Variants in SUPT3H observed in about 807,000 individuals in gnomAD.
SUPT3H encodes transcription initiation protein SPT3 homolog.
Under a neutral mutation model 44.3 loss-of-function variants are expected in SUPT3H, and 44 were observed. That is an observed-to-expected ratio of 0.99 (90% CI 0.78 to 1.28). The LOEUF (loss-of-function observed/expected upper bound fraction) is 1.28. SUPT3H is among the 50% of genes most tolerant of loss of function. The pLI, the probability that SUPT3H is intolerant of heterozygous loss-of-function variation, is 0.00. For missense variants in SUPT3H, 380 were observed against 387.1 expected, an observed-to-expected ratio of 0.98 and a Z score of 0.15; for synonymous variants, 124 against 125.6, an observed-to-expected ratio of 0.99 and a Z score of 0.09.
chr6:45,350,664 T>A (rs2150185349), intron 2 of SUPT3H, among the ~76,000 whole-genome samples: 1 of 152,296 alleles, frequency 6.6e-6, no homozygotes, highest in Non-Finnish European at 1.5e-5. Flanking sequence ...GCTGCTAAGA[T>A]GTGGTCATAA....
chr6:45,062,703 C>T (rs1054328559), intron 3 of SUPT3H, among the ~76,000 whole-genome samples: 13 of 152,112 alleles, frequency 8.5e-5, no homozygotes, highest in Admixed American at 2.6e-4. Context: ...GGGTGACGGA[C>T]GCACCTGGAA....
At position 45,278,636 on chromosome 6, in the gene SUPT3H, A is replaced by T. The variant is rs557919962; in HGVS notation, c.101+86565T>A. On this transcript the variant is annotated intron_variant, in intron 2 of 10. Transcript: ENST00000371459. ...ACAAAGTCACAGCTGTTACTTTTTC[A>T]AACAACTAAATGTTGATTTCATTTT... Among the ~76,000 whole-genome samples, 19 of 152,334 alleles carry T rather than the reference A, an allele frequency of 1.2e-4. No individual in the cohort carries two copies. The South Asian group carries it at 3.7e-3, about 30-fold the overall frequency.
chr6:45,220,679 CA>C (rs1765885580), intron 2 of SUPT3H, among the ~76,000 whole-genome samples: 7 of 152,268 alleles, frequency 4.6e-5, no homozygotes, highest in Admixed American at 3.9e-4. Flanking sequence ...TAGAAAATCA[CA>C]AAGAATCTAC....
chr6:45,019,674 A>T (rs1338928031), intron 4 of SUPT3H, among the ~76,000 whole-genome samples: 1 of 151,970 alleles, frequency 6.6e-6, no homozygotes, highest in Non-Finnish European at 1.5e-5. Context: ...TATCTTCAAT[A>T]GTTTCTTTGC....
chr6:45,325,135 A>C (rs1786151990), intron 2 of SUPT3H, among the ~76,000 whole-genome samples: 1 of 151,950 alleles, frequency 6.6e-6, no homozygotes, highest in South Asian at 2.1e-4. Flanking sequence ...CCTCATAATC[A>C]GAACATTTTA....
intron 3 of SUPT3H, among the ~76,000 whole-genome samples, chr6:45,083,791 C>T (rs1796137430): frequency 6.6e-6 from 1 of 151,434 alleles, no homozygotes; most frequent in African/African-American, 2.4e-5. Context: ...AATAAAGCCA[C>T]ACATCTACAA....
intron 5 of SUPT3H, among the ~76,000 whole-genome samples, chr6:45,012,108 TC>T (rs1213038258): frequency 6.6e-6 from 1 of 151,592 alleles, no homozygotes; most frequent in Admixed American, 6.6e-5. Context: ...TTTTTTTTTT[TC>T]CCACATTTTT....
At chr6:44,944,762 CAAAAAAAA>C (rs57506313) in intron 9 of SUPT3H, among the ~76,000 whole-genome samples, 8 of 29,898 alleles carry the variant, frequency 2.7e-4, no homozygotes, top group Non-Finnish European at 6.9e-4. Context: ...ACCCTCTCTC[CAAAAAAAA>C]AAAAAAAAAA....
chr6:45,250,361 G>T (rs1259531508), intron 2 of SUPT3H, among the ~76,000 whole-genome samples: 1 of 140,126 alleles, frequency 7.1e-6, no homozygotes, highest in Non-Finnish European at 1.6e-5. Context: ...AAACATTAAG[G>T]CAATAAAAAA....
intron 10 of SUPT3H, among the ~76,000 whole-genome samples, chr6:44,846,914 G>T (rs952983924): frequency 1.3e-5 from 2 of 152,186 alleles, no homozygotes; most frequent in African/African-American, 4.8e-5. Context: ...ACAGGCGTGA[G>T]GCACTGTACC....
chr6:45,104,641 T>C (rs371647457), intron 3 of SUPT3H, among the ~76,000 whole-genome samples: 3 of 152,074 alleles, frequency 2.0e-5, no homozygotes, highest in African/African-American at 7.2e-5. Context: ...TTTTGAATGT[T>C]TTCAGCTGTT....
At chr6:45,303,769 C>T (rs1048909650) in intron 2 of SUPT3H, among the ~76,000 whole-genome samples, 6 of 150,936 alleles carry the variant, frequency 4.0e-5, no homozygotes, top group South Asian at 2.1e-4. Flanking sequence ...CCAAGGTGGG[C>T]GGATCACGAG....
intron 2 of SUPT3H, among the ~76,000 whole-genome samples, chr6:45,109,925 C>T (rs893988517): frequency 6.6e-6 from 1 of 152,134 alleles, no homozygotes; most frequent in Non-Finnish European, 1.5e-5. Flanking sequence ...GATTCTGATA[C>T]CCTATTCATT....
At chr6:44,964,871 T>C (rs1485815561) in intron 6 of SUPT3H, among the ~76,000 whole-genome samples, 1 of 152,210 alleles carries the variant, frequency 6.6e-6, no homozygotes, top group Non-Finnish European at 1.5e-5. Flanking sequence ...GTTTATCTTG[T>C]TCAAATCTCT....
intron 2 of SUPT3H, among the ~76,000 whole-genome samples, chr6:45,276,103 C>G (rs1776965841): frequency 6.6e-6 from 1 of 151,134 alleles, no homozygotes. Flanking sequence ...TTTATGCTAA[C>G]AACGCACTAA....
intron 2 of SUPT3H, among the ~76,000 whole-genome samples, chr6:45,142,464 C>T (rs746917269): frequency 5.3e-5 from 8 of 151,952 alleles, no homozygotes; most frequent in Non-Finnish European, 1.0e-4. Flanking sequence ...TTGCCAGGAG[C>T]GGTGGCTCAC....
At chr6:44,933,487 A>G (rs1254789902) in intron 9 of SUPT3H, among the ~76,000 whole-genome samples, 1 of 152,218 alleles carries the variant, frequency 6.6e-6, no homozygotes, top group Non-Finnish European at 1.5e-5. Flanking sequence ...GTTTAGCCCT[A>G]CAAGTTACCA....
At chr6:45,026,563 A>T (rs1786037476) in intron 3 of SUPT3H, among the ~76,000 whole-genome samples, 1 of 152,162 alleles carries the variant, frequency 6.6e-6, no homozygotes, top group Non-Finnish European at 1.5e-5. Flanking sequence ...AAAACATTAA[A>T]AGTCAAATAA....
chr6:45,230,424 C>G (rs1767743872), intron 2 of SUPT3H, among the ~76,000 whole-genome samples: 1 of 151,200 alleles, frequency 6.6e-6, no homozygotes, highest in Admixed American at 6.6e-5. Flanking sequence ...GTGGGGGGGG[C>G]TTATGTAACA....
Sources: gnomAD v4.1 joint callset for allele counts (sites outside exome capture counted in the v4.1 genomes callset) on GRCh38, gnomAD v4.1.1 for gene constraint, MANE v1.5 for transcripts, NCBI Gene and HGNC (gene_info 2026-07-23, HGNC 2026-07-21) for gene names.